The following FAM78B variants were observed in gnomAD, a reference collection of about 807,000 sequenced individuals.
The protein encoded by FAM78B is protein FAM78B.
A neutral mutation model predicts 20.0 loss-of-function variants in FAM78B; 10 were observed. The ratio of observed to expected loss-of-function variants is 0.50; its 90% CI spans 0.31 to 0.85. The LOEUF (loss-of-function observed/expected upper bound fraction) is 0.85. FAM78B is among the 40% of genes least tolerant of loss of function. FAM78B has a pLI of 0.05. For synonymous variants in FAM78B, 135 were observed against 132.8 expected, an observed-to-expected ratio of 1.02 and a Z score of -0.12; for missense variants, 283 against 345.0, an observed-to-expected ratio of 0.82 and a Z score of 1.42.
chr1:166,147,449 T>C (rs1031471795), intron 1 of FAM78B, among the ~76,000 whole-genome samples: 1 of 152,210 alleles, frequency 6.6e-6, no homozygotes, highest in African/African-American at 2.4e-5. Context: ...CCCATAAGGA[T>C]GCTTTAGAGA....
intron 1 of FAM78B, among the ~76,000 whole-genome samples, chr1:166,106,157 G>T (rs1225945952): frequency 1.4e-5 from 2 of 141,334 alleles, no homozygotes; most frequent in Non-Finnish European, 3.0e-5. Flanking sequence ...ATTGAACAGT[G>T]AGAACACATG....
chr1:166,083,506 G>A (rs1306293123), intron 1 of FAM78B, among the ~76,000 whole-genome samples: 1 of 152,152 alleles, frequency 6.6e-6, no homozygotes, highest in African/African-American at 2.4e-5. Flanking sequence ...CCACGCTGTA[G>A]GTTTTTCCTT....
At chr1:166,121,801 A>T (rs1654473215) in intron 1 of FAM78B, among the ~76,000 whole-genome samples, 1 of 152,190 alleles carries the variant, frequency 6.6e-6, no homozygotes, top group South Asian at 2.1e-4. Context: ...CAACTTGCCC[A>T]AAGTCGTAAG....
intron 1 of FAM78B, among the ~76,000 whole-genome samples, chr1:166,136,687 G>C (rs1478299167): frequency 6.6e-6 from 1 of 152,232 alleles, no homozygotes; most frequent in Non-Finnish European, 1.5e-5. Flanking sequence ...GCAACGTTAT[G>C]AGATGAAAAA....
At chr1:166,125,584 T>C (rs1385910000) in intron 1 of FAM78B, among the ~76,000 whole-genome samples, 2 of 152,122 alleles carry the variant, frequency 1.3e-5, no homozygotes, top group Non-Finnish European at 2.9e-5. Flanking sequence ...ACAAATACAA[T>C]TGTTCCTCTC....
intron 1 of FAM78B, among the ~76,000 whole-genome samples, chr1:166,116,286 G>T (rs935188663): frequency 6.6e-6 from 1 of 152,176 alleles, no homozygotes; most frequent in Non-Finnish European, 1.5e-5. Flanking sequence ...CCAGAGATGG[G>T]ATCCTGCCCC....
intron 1 of FAM78B, among the ~76,000 whole-genome samples, chr1:166,118,459 G>A (rs1251823792): frequency 6.6e-6 from 1 of 152,102 alleles, no homozygotes; most frequent in Non-Finnish European, 1.5e-5. Flanking sequence ...GTCTTCATAA[G>A]ATAAAACATA....
At chr1:166,087,200 G>A (rs1374741422) in intron 1 of FAM78B, 1 of 152,078 alleles carries the variant, frequency 6.6e-6, no homozygotes, top group Non-Finnish European at 1.5e-5. Flanking sequence ...CAAGTAGCTG[G>A]GATTACAGGC....
intron 1 of FAM78B, among the ~76,000 whole-genome samples, chr1:166,085,099 G>A (rs779307527): frequency 2.0e-5 from 3 of 152,130 alleles, no homozygotes; most frequent in Non-Finnish European, 4.4e-5. Flanking sequence ...GGGGCCCTCC[G>A]CCATTTACCC....
intron 1 of FAM78B, among the ~76,000 whole-genome samples, chr1:166,073,421 C>T (rs6662013): frequency 0.38 from 57,638 of 151,998 alleles, 11,659 homozygotes; most frequent in African/African-American, 0.53. Flanking sequence ...GAGTTGCTAT[C>T]TGAAAAATAT....
At chr1:166,148,636 A>G (rs1655562481) in intron 1 of FAM78B, among the ~76,000 whole-genome samples, 1 of 152,268 alleles carries the variant, frequency 6.6e-6, no homozygotes, top group South Asian at 2.1e-4. Flanking sequence ...GCAGGCGGGC[A>G]GCTGGGATGC....
downstream of FAM78B, among the ~76,000 whole-genome samples, chr1:166,057,065 G>A (rs1651374164): frequency 6.6e-6 from 1 of 152,156 alleles, no homozygotes; most frequent in Admixed American, 6.5e-5. Flanking sequence ...CCTTGATCGT[G>A]GACTTCCCAG....
At chr1:166,127,968 T>C (rs1654703199) in intron 1 of FAM78B, among the ~76,000 whole-genome samples, 1 of 152,216 alleles carries the variant, frequency 6.6e-6, no homozygotes, top group Non-Finnish European at 1.5e-5. Flanking sequence ...AGAGCCACCA[T>C]GTCAGACAAG....
chr1:166,104,000 C>T (rs1315647974), intron 1 of FAM78B, among the ~76,000 whole-genome samples: 3 of 152,168 alleles, frequency 2.0e-5, no homozygotes, highest in South Asian at 2.1e-4. Flanking sequence ...AAAAGCTTAT[C>T]CACCATGATC....
chr1:166,157,420 G>A (rs1177337597), intron 1 of FAM78B, among the ~76,000 whole-genome samples: 1 of 151,008 alleles, frequency 6.6e-6, no homozygotes, highest in East Asian at 1.9e-4. Context: ...ACCTGCCAAA[G>A]GTCATGCAGC....
intron 1 of FAM78B, among the ~76,000 whole-genome samples, chr1:166,104,926 G>A (rs1653706413): frequency 6.6e-6 from 1 of 152,186 alleles, no homozygotes; most frequent in Admixed American, 6.6e-5. Context: ...AACAAAGCTG[G>A]AGGCATCATG....
chr1:166,085,083 G>T (rs913883115), intron 1 of FAM78B, among the ~76,000 whole-genome samples: 3 of 152,210 alleles, frequency 2.0e-5, no homozygotes, highest in Non-Finnish European at 4.4e-5. Flanking sequence ...TGGAAGAGAA[G>T]CTCTTGGGGC....
At chr1:166,152,043 C>T (rs749865276) in intron 1 of FAM78B, among the ~76,000 whole-genome samples, 2 of 152,190 alleles carry the variant, frequency 1.3e-5, no homozygotes, top group Non-Finnish European at 2.9e-5. Context: ...CTGTCAGATA[C>T]AGGTTCTGAA....
At chr1:166,087,952 G>A (rs1652900048) in intron 1 of FAM78B, among the ~76,000 whole-genome samples, 1 of 152,154 alleles carries the variant, frequency 6.6e-6, no homozygotes, top group South Asian at 2.1e-4. Context: ...GAGCATTCTG[G>A]GGTGCTGGGG....
Sources: gnomAD v4.1 joint callset for allele counts (sites outside exome capture counted in the v4.1 genomes callset) on GRCh38, gnomAD v4.1.1 for gene constraint, MANE v1.5 for transcripts, NCBI Gene and HGNC (gene_info 2026-07-23, HGNC 2026-07-21) for gene names.